The following RMDN1 variants were observed in gnomAD, a reference collection of about 807,000 sequenced individuals.
The protein encoded by RMDN1 is regulator of microtubule dynamics 1, also known as regulator of microtubule dynamics protein 1.
RMDN1 carries 48 observed loss-of-function variants against 48.9 expected under a neutral mutation model. The observed-to-expected ratio is 0.98, with a 90% CI of 0.78 to 1.25. The LOEUF (loss-of-function observed/expected upper bound fraction) is 1.25, where lower values mean the gene tolerates loss of function less well. Ranked by LOEUF, RMDN1 falls within the 50% of genes most tolerant of loss-of-function variation. RMDN1 has a pLI of 0.00. For missense variants in RMDN1, 418 were observed against 373.4 expected, an observed-to-expected ratio of 1.12 and a Z score of -0.98; for synonymous variants, 148 against 132.6, an observed-to-expected ratio of 1.12 and a Z score of -0.80.
intron 2 of RMDN1, among the ~76,000 whole-genome samples, chr8:86,500,532 A>T (rs1311659423): frequency 2.4e-5 from 2 of 82,084 alleles, no homozygotes; most frequent in South Asian, 1.1e-3. Context: ...AAAATAATTA[A>T]AAAAAAAAAA....
chr8:86,481,903 G>A, intron 5 of RMDN1: 1 of 781,566 alleles, frequency 1.3e-6, no homozygotes, highest in African/African-American at 1.8e-5. Context: ...ACAAAGTGGG[G>A]TGGCTCGGCC....
In RMDN1 at chr8:86,474,925, T is replaced by A; in HGVS notation, c.789A>T (p.Leu263Phe). The change falls in exon 9 of 10, where the codon TTA (leucine) becomes TTT (phenylalanine). Residue 263 changes from leucine to phenylalanine, a missense_variant. Coordinates refer to ENST00000406452, the MANE Select transcript of RMDN1 (RefSeq NM_016033.3). ...TCAAGTATGTCTTTCCTAAAAGAAG[T>A]AAGTTTTTGCTGTAGAAGTTTGGAT... Reference protein sequence around the residue: ...QVDPNFYSKNLLLLGKTYLKL... With the variant: ...QVDPNFYSKNFLLLGKTYLKL... 1 of 1,610,748 alleles carries A rather than the reference T, an allele frequency of 6.2e-7. No individual in the cohort carries two copies. The highest frequency in any genetic ancestry group is 8.5e-7 in the Non-Finnish European group (1 of 1,179,074).
rs1452685860 is a variant in RMDN1 at position 86,472,449 on chromosome 8, T to C, written c.*1859A>G. 1 of 702,432 alleles carries C rather than the reference T, an allele frequency of 1.4e-6. No homozygotes were observed. The highest frequency in any genetic ancestry group is 2.6e-6 in the Non-Finnish European group (1 of 384,994). The allele number at this position is 702,432 out of a possible 1,614,324, so 43.5% of individuals were successfully genotyped here. A position where few individuals can be genotyped will look rare whatever the true frequency, so the allele number is the denominator to read the frequency against. On this transcript the variant is annotated 3_prime_UTR_variant, in exon 10 of 10. Transcript: ENST00000406452. ...CACATCCCTAGAAAGACCCACTTCC[T>C]GGCCCTTCAGCTGCTTCTGTTTCTC...
At chr8:86,490,427 C>G (rs896959459) in intron 2 of RMDN1, among the ~76,000 whole-genome samples, 1 of 152,162 alleles carries the variant, frequency 6.6e-6, no homozygotes, top group Admixed American at 6.6e-5. Flanking sequence ...TCAATGGAAA[C>G]AAGATCAGAA....
intron 5 of RMDN1, 128 bp from the exon 6 acceptor site, chr8:86,480,460 T>C (rs1814189326): frequency 2.0e-6 from 1 of 506,494 alleles, no homozygotes; most frequent in Non-Finnish European, 3.6e-6. Context: ...CCCATTATAA[T>C]ATCAACTTTC....
At position 86,472,555 on chromosome 8, in the gene RMDN1, A is replaced by G. The variant is rs1586565241; in HGVS notation, c.*1753T>C. 1 of 693,716 alleles carries G rather than the reference A, an allele frequency of 1.4e-6. No homozygotes were observed. The highest frequency in any genetic ancestry group is 2.1e-5 in the Admixed American group (1 of 48,052). The allele number at this position is 693,716 out of a possible 1,614,324, so 43.0% of individuals were successfully genotyped here. A position where few individuals can be genotyped will look rare whatever the true frequency, so the allele number is the denominator to read the frequency against. ...TTAAGTGGGAAACTGAAAGCCTGCC[A>G]TTGTTGTTGCCGTTTAACAGCTGAT... is the stretch of plus-strand genomic sequence containing the variant. On this transcript the variant is annotated 3_prime_UTR_variant, in exon 10 of 10. Transcript: ENST00000406452.
In RMDN1 at chr8:86,488,649, T is replaced by C. The variant is rs182603700; in HGVS notation, c.248-10A>G. ...TCAAGTATTTCTTCAACTTCAAAGA[T>C]TATAAAGGAAAAAAGACACAATAAA... On this transcript the variant is annotated splice_polypyrimidine_tract_variant and intron_variant, in intron 2 of 9. Transcript: ENST00000406452. The C allele has an allele frequency of 4.0e-5, 64 of 1,591,250 alleles. No homozygotes were observed. The East Asian group carries it at 1.4e-3, about 34-fold the overall frequency.
At chr8:86,479,560 T>C (rs950991734) in intron 6 of RMDN1, among the ~76,000 whole-genome samples, 1 of 152,180 alleles carries the variant, frequency 6.6e-6, no homozygotes, top group Admixed American at 6.5e-5. Flanking sequence ...AGGCAGAAAT[T>C]GCTATTTCAT....
At position 86,502,896 on chromosome 8, in the gene RMDN1, C is replaced by T. The variant is rs955747984; in HGVS notation, c.247+4099G>A. Among the ~76,000 whole-genome samples the T allele has an allele frequency of 5.9e-4, 90 of 152,126 alleles. 1 individual carries two copies. The highest frequency in any genetic ancestry group is 2.1e-3 in the African/African-American group (88 of 41,424). On this transcript the variant is annotated intron_variant, in intron 2 of 9. Coordinates refer to ENST00000406452, the MANE Select transcript of RMDN1 (RefSeq NM_016033.3). ...TTTAAAAATGTAAAAGAATATTCTT[C>T]TTAGGTTAAGGGCTCTACAAAAATA...
upstream of RMDN1, among the ~76,000 whole-genome samples, chr8:86,510,703 C>T (rs1448279530): frequency 2.0e-5 from 3 of 152,178 alleles, no homozygotes; most frequent in African/African-American, 7.2e-5. Context: ...AATGATTGTT[C>T]CTGTTTTAAG....
intron 2 of RMDN1, among the ~76,000 whole-genome samples, chr8:86,506,254 T>C (rs1459980990): frequency 1.3e-5 from 2 of 152,242 alleles, no homozygotes; most frequent in Non-Finnish European, 2.9e-5. Context: ...TTTTGTTTTA[T>C]TTTAACTCAT....
chr8:86,506,058 T>C (rs1819289576), intron 2 of RMDN1, among the ~76,000 whole-genome samples: 1 of 152,164 alleles, frequency 6.6e-6, no homozygotes, highest in African/African-American at 2.4e-5. Context: ...GGAAAGTTAT[T>C]TCTAGAAAGC....
chr8:86,512,750 C>A (rs1820112687), upstream of RMDN1, among the ~76,000 whole-genome samples: 1 of 143,680 alleles, frequency 7.0e-6, no homozygotes, highest in Non-Finnish European at 1.5e-5. Flanking sequence ...ATGAATGAAT[C>A]CTCACTGGCA....
In RMDN1 at chr8:86,508,622, A is replaced by T; in HGVS notation, c.-2T>A. ...CCACAGTCGAGCAGCCAGCGCCATG[A>T]CCTGCAACTTGCGGGCTGACCCTGC... is the stretch of plus-strand genomic sequence containing the variant. On this transcript the variant is annotated 5_prime_UTR_variant, in exon 1 of 10. Transcript: ENST00000406452. 2 of 1,599,520 alleles carry T rather than the reference A, an allele frequency of 1.3e-6. No individual in the cohort carries two copies. Among genetic ancestry groups the T allele is most frequent in the Non-Finnish European group, 1.7e-6 (2 of 1,173,564 alleles).
At chr8:86,512,112 T>C (rs1298983260), upstream of RMDN1, among the ~76,000 whole-genome samples, 1 of 152,190 alleles carries the variant, frequency 6.6e-6, no homozygotes, top group Admixed American at 6.5e-5. Context: ...AATGAATAAA[T>C]ACATTGAATA....
chr8:86,508,961 G>A (rs71502659), upstream of RMDN1, among the ~76,000 whole-genome samples: 25,255 of 152,176 alleles, frequency 0.17, 2,724 homozygotes, highest in East Asian at 0.35. Flanking sequence ...CGCCAGAATA[G>A]AACTGAAAGC....
At chr8:86,508,794 T>C, upstream of RMDN1, 1 of 1,227,744 alleles carries the variant, frequency 8.1e-7, no homozygotes, top group Non-Finnish European at 1.0e-6. Flanking sequence ...GTGCACGGGC[T>C]TAGGGGGTGG....
chr8:86,486,343 T>C (rs1234922238), intron 4 of RMDN1, 141 bp downstream of exon 4: 2 of 477,412 alleles, frequency 4.2e-6, no homozygotes, highest in Non-Finnish European at 6.8e-6. Context: ...AGAGAAATTA[T>C]CCTTAAGATA....
At chr8:86,484,184 G>T (rs1815057214) in intron 5 of RMDN1, among the ~76,000 whole-genome samples, 1 of 152,120 alleles carries the variant, frequency 6.6e-6, no homozygotes. Flanking sequence ...TTGTACATTG[G>T]ATCTTTTCCC....
Sources: gnomAD v4.1 joint callset for allele counts (sites outside exome capture counted in the v4.1 genomes callset) on GRCh38, gnomAD v4.1.1 for gene constraint, MANE v1.5 for transcripts, NCBI Gene and HGNC (gene_info 2026-07-23, HGNC 2026-07-21) for gene names.